Variants in PRKN observed in about 807,000 individuals in gnomAD.
PRKN encodes the protein E3 ubiquitin-protein ligase parkin.
PRKN carries 56 observed loss-of-function variants against 59.5 expected under a neutral mutation model. That is an observed-to-expected ratio of 0.94 (90% confidence interval 0.76 to 1.18). The LOEUF (loss-of-function observed/expected upper bound fraction) is 1.18. Ranked by LOEUF, PRKN falls within the 50% of genes most tolerant of loss-of-function variation. The probability of loss-of-function intolerance (pLI) is 0.00; values close to 1 mark genes in which losing one functional copy is unlikely to be tolerated. For missense variants in PRKN, 657 were observed against 596.4 expected, an observed-to-expected ratio of 1.10 and a Z score of -1.06; for synonymous variants, 250 against 222.1, an observed-to-expected ratio of 1.13 and a Z score of -1.12.
chr6:162,636,573 GTT>G (rs1777720731), intron 1 of PRKN, among the ~76,000 whole-genome samples: 1 of 152,202 alleles, frequency 6.6e-6, no homozygotes, highest in African/African-American at 2.4e-5. Flanking sequence ...CACTAGAGAA[GTT>G]TTGTTTCTGT....
At chr6:162,619,864 C>T (rs76538487) in intron 1 of PRKN, among the ~76,000 whole-genome samples, 52 of 152,194 alleles carry the variant, frequency 3.4e-4, no homozygotes, top group Middle Eastern at 3.4e-3. Context: ...TTCATTCTGA[C>T]GAATGGACAG....
intron 11 of PRKN, among the ~76,000 whole-genome samples, chr6:161,351,642 A>T (rs1456409877): frequency 6.6e-6 from 1 of 152,180 alleles, no homozygotes; most frequent in Non-Finnish European, 1.5e-5. Context: ...TATTTTTAAT[A>T]GGGAATATGT....
At chr6:161,992,186 A>G (rs1046782049) in intron 5 of PRKN, among the ~76,000 whole-genome samples, 1 of 151,964 alleles carries the variant, frequency 6.6e-6, no homozygotes. Context: ...TAAAAATACA[A>G]AAATTAGTTG....
chr6:162,426,766 T>C (rs1789259049), intron 2 of PRKN, among the ~76,000 whole-genome samples: 1 of 152,216 alleles, frequency 6.6e-6, no homozygotes, highest in African/African-American at 2.4e-5. Flanking sequence ...AACTTTAAAA[T>C]GTATACAAAA....
chr6:162,726,743 T>A (rs1030317089), intron 1 of PRKN, among the ~76,000 whole-genome samples: 1 of 152,162 alleles, frequency 6.6e-6, no homozygotes, highest in African/African-American at 2.4e-5. Flanking sequence ...TAAAGGACCC[T>A]CCTCAGGAAT....
chr6:161,978,156 T>A (rs907109351), intron 5 of PRKN, among the ~76,000 whole-genome samples: 4 of 152,100 alleles, frequency 2.6e-5, no homozygotes, highest in Non-Finnish European at 5.9e-5. Context: ...TTCAAGTAAT[T>A]CTCCTGCCTC....
At chr6:162,456,772 T>C (rs1336441201) in intron 1 of PRKN, among the ~76,000 whole-genome samples, 3 of 152,168 alleles carry the variant, frequency 2.0e-5, no homozygotes, top group Admixed American at 1.3e-4. Flanking sequence ...GACAGCTTGT[T>C]TATTACATTT....
At chr6:161,736,179 C>T (rs1787956794) in intron 7 of PRKN, among the ~76,000 whole-genome samples, 2 of 152,158 alleles carry the variant, frequency 1.3e-5, no homozygotes, top group South Asian at 4.1e-4. Context: ...CACCACCTGT[C>T]AAAGAACTCA....
At chr6:162,474,169 CAT>C (rs1456118880) in intron 1 of PRKN, among the ~76,000 whole-genome samples, 1 of 152,086 alleles carries the variant, frequency 6.6e-6, no homozygotes, top group Non-Finnish European at 1.5e-5. Context: ...ATTTACATAA[CAT>C]AGTACCATAG....
At chr6:162,502,287 A>G (rs1366304473) in intron 1 of PRKN, among the ~76,000 whole-genome samples, 2 of 152,114 alleles carry the variant, frequency 1.3e-5, no homozygotes, top group Non-Finnish European at 2.9e-5. Flanking sequence ...CAACCTCTGA[A>G]GTAGCTGAGA....
chr6:162,370,227 C>A (rs1785678970), intron 2 of PRKN, among the ~76,000 whole-genome samples: 1 of 152,126 alleles, frequency 6.6e-6, no homozygotes, highest in African/African-American at 2.4e-5. Context: ...CAGTCACAAT[C>A]CTTTGTGACA....
chr6:161,492,125 C>A (rs1169691718), intron 9 of PRKN, among the ~76,000 whole-genome samples: 1 of 135,528 alleles, frequency 7.4e-6, no homozygotes, highest in African/African-American at 2.4e-5. Flanking sequence ...AAATATCACT[C>A]TATAAGTGAA....
intron 7 of PRKN, among the ~76,000 whole-genome samples, chr6:161,612,890 T>C (rs907209260): frequency 1.3e-5 from 2 of 152,164 alleles, no homozygotes; most frequent in African/African-American, 2.4e-5. Flanking sequence ...CCTTTCAAAA[T>C]ATTACTGCTC....
chr6:161,707,790 C>T (rs1786569028), intron 7 of PRKN, among the ~76,000 whole-genome samples: 1 of 152,066 alleles, frequency 6.6e-6, no homozygotes, highest in Non-Finnish European at 1.5e-5. Flanking sequence ...CAGTCCTCAT[C>T]CTACACCTCC....
intron 2 of PRKN, among the ~76,000 whole-genome samples, chr6:162,342,104 C>A (rs1784204139): frequency 1.3e-5 from 2 of 152,050 alleles, no homozygotes; most frequent in African/African-American, 4.8e-5. Flanking sequence ...TTGCTAAATC[C>A]TCTTTGTGAA....
At chr6:162,486,934 G>A (rs1404892774) in intron 1 of PRKN, among the ~76,000 whole-genome samples, 1 of 152,070 alleles carries the variant, frequency 6.6e-6, no homozygotes, top group African/African-American at 2.4e-5. Context: ...GCCGGGCGTG[G>A]TAGTGCATAC....
intron 7 of PRKN, among the ~76,000 whole-genome samples, chr6:161,687,037 A>G (rs1171546693): frequency 6.6e-6 from 1 of 152,194 alleles, no homozygotes; most frequent in Non-Finnish European, 1.5e-5. Context: ...AATGGAATAG[A>G]ATCAAGAAGT....
Position 161,885,463 on chromosome 6 carries a change from G to A in PRKN, c.734+87839C>T, listed in dbSNP as rs190863964. ...GCAGATCACGAGGTCAGGAGATAGAGACCATCCTGGCTAACACAGTGAAAC... is the reference window on the plus strand; with the variant it reads ...GCAGATCACGAGGTCAGGAGATAGAAACCATCCTGGCTAACACAGTGAAAC... On this transcript the variant is annotated intron_variant, in intron 6 of 11. Transcript: ENST00000366898. 3.6e-3 allele frequency among the ~76,000 whole-genome samples: 545 copies of A among 152,216 alleles called. 2 individuals are homozygous for A. Among genetic ancestry groups the A allele is most frequent in the African/African-American group, 0.013 (533 of 41,534 alleles).
intron 2 of PRKN, among the ~76,000 whole-genome samples, chr6:162,355,954 T>C (rs895218400): frequency 6.6e-6 from 1 of 152,164 alleles, no homozygotes; most frequent in African/African-American, 2.4e-5. Flanking sequence ...AGATTCTGCA[T>C]ACAAGTGCCC....
Sources: allele counts gnomAD v4.1 joint callset (sites outside exome capture counted in the v4.1 genomes callset), GRCh38; gene constraint gnomAD v4.1.1; transcripts MANE v1.5; gene names NCBI Gene and HGNC (gene_info 2026-07-23, HGNC 2026-07-21).